The following ELOVL7 variants were observed in gnomAD, a reference collection of about 807,000 sequenced individuals.
ELOVL7 encodes the protein very long chain fatty acid elongase 7.
A neutral mutation model predicts 35.7 loss-of-function variants in ELOVL7; 27 were observed. That is an observed-to-expected ratio of 0.76 (90% CI 0.56 to 1.04). The LOEUF (loss-of-function observed/expected upper bound fraction) is 1.04, where lower values mean the gene tolerates loss of function less well. ELOVL7 is among the 50% of genes least tolerant of loss of function. The pLI, the probability that ELOVL7 is intolerant of heterozygous loss-of-function variation, is 0.00. For missense variants in ELOVL7, 327 were observed against 340.8 expected (o/e 0.96, Z 0.32); for synonymous variants, 113 against 114.6 (o/e 0.99, Z 0.09).
chr5:60,779,337 A>G (rs1743095744), intron 3 of ELOVL7, among the ~76,000 whole-genome samples: 1 of 152,194 alleles, frequency 6.6e-6, no homozygotes, highest in Admixed American at 6.5e-5. Flanking sequence ...TTGACCTAGT[A>G]GAGGCTCTCC....
At chr5:60,790,172 C>A (rs1743845544) in intron 2 of ELOVL7, among the ~76,000 whole-genome samples, 1 of 151,674 alleles carries the variant, frequency 6.6e-6, no homozygotes, top group Admixed American at 6.6e-5. Flanking sequence ...AAAGAAAGTA[C>A]AAAATTTAAA....
chr5:60,800,288 T>G (rs1022169681), intron 1 of ELOVL7, among the ~76,000 whole-genome samples: 2 of 152,126 alleles, frequency 1.3e-5, no homozygotes, highest in Non-Finnish European at 2.9e-5. Context: ...TTCACTATGA[T>G]CAAGTGGGAT....
rs1460709320 is a variant in ELOVL7 at position 60,799,491 on chromosome 5, G to A, written c.-85-261C>T. Among the ~76,000 whole-genome samples the A allele has an allele frequency of 2.0e-5, 3 of 152,206 alleles. No homozygotes were observed. The East Asian group carries it at 5.8e-4, about 29-fold the overall frequency. ...ATAAATAAAATTGGAAATGAAAGAAGAGACATTGCAACTGAGACCACAGAA... is the reference window on the plus strand; with the variant it reads ...ATAAATAAAATTGGAAATGAAAGAAAAGACATTGCAACTGAGACCACAGAA... On this transcript the variant is annotated intron_variant, in intron 1 of 8. Transcript: ENST00000508821.
intron 1 of ELOVL7, among the ~76,000 whole-genome samples, chr5:60,812,496 A>G (rs1302429776): frequency 6.6e-6 from 1 of 152,210 alleles, no homozygotes; most frequent in South Asian, 2.1e-4. Context: ...TAATTGGAAA[A>G]AAAAAGAATA....
At chr5:60,770,516 C>T (rs1742515922) in intron 4 of ELOVL7, among the ~76,000 whole-genome samples, 1 of 152,156 alleles carries the variant, frequency 6.6e-6, no homozygotes, top group Non-Finnish European at 1.5e-5. Context: ...AACATGCTGT[C>T]CCCTAAGACC....
chr5:60,755,457 G>C (rs1741483582), intron 8 of ELOVL7, among the ~76,000 whole-genome samples: 1 of 152,104 alleles, frequency 6.6e-6, no homozygotes, highest in African/African-American at 2.4e-5. Flanking sequence ...AGGAGTTCGA[G>C]ACCAGCCTGG....
In ELOVL7 at chr5:60,762,429, A is replaced by G. The variant is rs190672466; in HGVS notation, c.499+1798T>C. Among the ~76,000 whole-genome samples the G allele has an allele frequency of 2.0e-3, 305 of 152,284 alleles. 2 individuals are homozygous for G. The highest frequency in any genetic ancestry group is 7.0e-3 in the African/African-American group (291 of 41,588). On this transcript the variant is annotated intron_variant, in intron 7 of 8. Transcript: ENST00000508821. ...AAACATAGAAGTTAGAAAAATGCTC[A>G]ATTGTATTCATTAAATAAAATTTAT...
intron 3 of ELOVL7, among the ~76,000 whole-genome samples, chr5:60,784,611 G>T (rs1175462847): frequency 6.6e-6 from 1 of 152,116 alleles, no homozygotes; most frequent in Admixed American, 6.5e-5. Context: ...GCTACTCAGG[G>T]TTAGGGCTAA....
rs1319477041 is a variant in ELOVL7 at position 60,752,313 on chromosome 5, T to C, written c.*2311A>G. 6.6e-6 allele frequency: 1 copy of C among 152,656 alleles called. No individual in the cohort carries two copies. The highest frequency in any genetic ancestry group is 2.4e-5 in the African/African-American group (1 of 41,458). The allele number at this position is 152,656 out of a possible 1,614,324, so 9.5% of individuals were successfully genotyped here. A position where few individuals can be genotyped will look rare whatever the true frequency, so the allele number is the denominator to read the frequency against. On this transcript the variant is annotated 3_prime_UTR_variant, in exon 9 of 9. Coordinates refer to ENST00000508821, the MANE Select transcript of ELOVL7 (RefSeq NM_024930.3). ...CCACTTCTATTCATATAATTGAGTA[T>C]GTGTTTTATTACATGTTAGCTTATA...
chr5:60,768,558 C>T (rs9291696), intron 4 of ELOVL7: 50,205 of 364,028 alleles, frequency 0.14, 6,670 homozygotes, highest in African/African-American at 0.47. Flanking sequence ...AACACACCCA[C>T]AAAGTGATCC....
At chr5:60,803,657 G>A (rs183492584) in intron 1 of ELOVL7, among the ~76,000 whole-genome samples, 1 of 152,200 alleles carries the variant, frequency 6.6e-6, no homozygotes. Context: ...GCTACTACTT[G>A]TAATTGTTGT....
At chr5:60,811,903 T>C (rs1242613703) in intron 1 of ELOVL7, among the ~76,000 whole-genome samples, 2 of 152,110 alleles carry the variant, frequency 1.3e-5, no homozygotes, top group Non-Finnish European at 2.9e-5. Flanking sequence ...CTAAGATAAA[T>C]TATAGAAAAA....
At chr5:60,840,627 C>T (rs4700399) in intron 1 of ELOVL7, among the ~76,000 whole-genome samples, 58,176 of 152,002 alleles carry the variant, frequency 0.38, 12,207 homozygotes, top group East Asian at 0.8. Context: ...TAATACTGTT[C>T]ATGTTTAATT....
intron 4 of ELOVL7, among the ~76,000 whole-genome samples, chr5:60,770,552 C>T (rs1345787266): frequency 6.6e-6 from 1 of 152,168 alleles, no homozygotes; most frequent in Non-Finnish European, 1.5e-5. Flanking sequence ...GTTTTCTTTG[C>T]TCCCATCTCT....
At chr5:60,835,190 G>GAAAAAA (rs60918884) in intron 1 of ELOVL7, among the ~76,000 whole-genome samples, 3 of 81,388 alleles carry the variant, frequency 3.7e-5, no homozygotes, top group Non-Finnish European at 5.0e-5. Flanking sequence ...ATCCCATCTT[G>GAAAAAA]AAAAAAAAAA....
At chr5:60,789,147 A>G (rs1743775519) in intron 2 of ELOVL7, among the ~76,000 whole-genome samples, 1 of 152,258 alleles carries the variant, frequency 6.6e-6, no homozygotes, top group Admixed American at 6.5e-5. Context: ...CTTACTAACT[A>G]AGACCTAAAA....
At chr5:60,815,549 TATTTTATAAATAAATAAAATTTATTTA>T (rs1745468191) in intron 1 of ELOVL7, among the ~76,000 whole-genome samples, 1 of 8,138 alleles carries the variant, frequency 1.2e-4, no homozygotes, top group Non-Finnish European at 3.1e-4. Flanking sequence ...AAAATTTATT[TATTTTATAAATAAATAAAATTTATTTA>T]TTTTTTTTTG....
In ELOVL7 at chr5:60,772,058, G is replaced by T; in HGVS notation, c.100C>A (p.Pro34Thr). Residue 34 changes from proline to threonine, a missense_variant, in exon 4 of 9, where the codon CCT (proline) becomes ACT (threonine). Pro to Thr is a conservative substitution (Grantham distance 38, BLOSUM62 -1). Transcript: ENST00000508821. Reference sequence around the variant, plus strand: ...CCTAGGAGGATGGTTTGTGGCAGAGGCGAGGACATGAGGAGCCAATCTTCA... The same window carrying T: ...CCTAGGAGGATGGTTTGTGGCAGAGTCGAGGACATGAGGAGCCAATCTTCA... ...RVEDWLLMSS[P>T]LPQTILLGFY... 1 of 1,612,726 alleles carries T rather than the reference G, an allele frequency of 6.2e-7. No homozygotes were observed. The highest frequency in any genetic ancestry group is 8.5e-7 in the Non-Finnish European group (1 of 1,179,306).
chr5:60,838,684 T>C (rs1746973565), intron 1 of ELOVL7, among the ~76,000 whole-genome samples: 1 of 152,186 alleles, frequency 6.6e-6, no homozygotes, highest in Non-Finnish European at 1.5e-5. Context: ...ATGGGGAATT[T>C]GTAAGCTATG....
Sources: allele counts gnomAD v4.1 joint callset (sites outside exome capture counted in the v4.1 genomes callset), GRCh38; gene constraint gnomAD v4.1.1; transcripts MANE v1.5; gene names NCBI Gene and HGNC (gene_info 2026-07-23, HGNC 2026-07-21).